PRDM14: variants seen among roughly 807,000 people sequenced by gnomAD.
PRDM14 encodes the protein PR domain zinc finger protein 14.
In PRDM14, 16 loss-of-function variants were observed where a neutral mutation model predicts 48.0. That is an observed-to-expected ratio of 0.33 (90% CI 0.23 to 0.51). PRDM14 has a LOEUF of 0.51. Ranked by LOEUF, PRDM14 falls within the 20% of genes least tolerant of loss-of-function variation. PRDM14 has a pLI of 0.97. For synonymous variants in PRDM14, 264 were observed against 276.6 expected (o/e 0.95, Z 0.45); for missense variants, 566 against 719.6 (o/e 0.79, Z 2.44).
At chr8:70,054,544 G>C (rs1266176532) in intron 7 of PRDM14, among the ~76,000 whole-genome samples, 1 of 148,038 alleles carries the variant, frequency 6.8e-6, no homozygotes, top group African/African-American at 2.5e-5. Context: ...TTTGGAGACG[G>C]AGTTTCACTT....
intron 5 of PRDM14, among the ~76,000 whole-genome samples, chr8:70,063,929 A>C (rs1487369134): frequency 6.6e-6 from 1 of 152,092 alleles, no homozygotes; most frequent in Non-Finnish European, 1.5e-5. Context: ...ATCATAGAGA[A>C]TCCCAACCAT....
intron 5 of PRDM14, among the ~76,000 whole-genome samples, chr8:70,065,049 G>A (rs143464391): frequency 0.042 from 6,398 of 151,778 alleles, 472 homozygotes; most frequent in African/African-American, 0.15. Flanking sequence ...ACTACGCCCC[G>A]CTAATTTTTT....
rs1363298098 is a variant in PRDM14 at position 70,069,683 on chromosome 8, C to A, written c.178G>T (p.Ala60Ser). Residue 60 changes from alanine (A) to serine (S), a missense_variant, in exon 2 of 8, where the codon GCG becomes TCG. Ala to Ser is a moderately conservative substitution (Grantham distance 99). This residue lies in a region of PRDM14 where 410 missense variants were observed against 424.6 expected (regional missense o/e 0.97). Coordinates refer to ENST00000276594, the MANE Select transcript of PRDM14 (RefSeq NM_024504.4). ...GGGGGCATGGCGGGGGCAGCAGACG[C>A]TGCGGCCTCCAGCTGCCGGAAAGGT... ...FQPFRQLEAA[A>S]SAAPAMPPFP... is the part of the protein sequence containing the mutation. 3 of 1,552,320 alleles carry A rather than the reference C, an allele frequency of 1.9e-6. No individual in the cohort carries two copies.
chr8:70,058,802 T>C lies in PRDM14; in HGVS notation c.1224A>G (p.Val408=). 2 of 1,614,122 alleles carry C rather than the reference T, an allele frequency of 1.2e-6. No individual in the cohort carries two copies. The highest frequency in any genetic ancestry group is 1.1e-5 in the South Asian group (1 of 91,086). Residue 408 remains valine (V), a synonymous_variant, in exon 6 of 8, where the codon GTA becomes GTG. Transcript: ENST00000276594. The part of the protein sequence containing the change: ...EGYRCERCGK[V]FTYKYYRDKH... Reference sequence around the variant, plus strand: ...TATCTCTGTAATATTTGTAGGTAAATACCTTCCCACATCTTTCACATCTGT... The same window carrying C: ...TATCTCTGTAATATTTGTAGGTAAACACCTTCCCACATCTTTCACATCTGT...
chr8:70,070,157 C>T (rs1023134923), intron 1 of PRDM14, among the ~76,000 whole-genome samples: 6 of 152,338 alleles, frequency 3.9e-5, no homozygotes, highest in African/African-American at 1.4e-4. Flanking sequence ...CTTCCCTCTC[C>T]AAGCACCCCT....
intron 4 of PRDM14, among the ~76,000 whole-genome samples, chr8:70,066,804 T>C (rs2131042216): frequency 6.6e-6 from 1 of 152,242 alleles, no homozygotes; most frequent in East Asian, 1.9e-4. Flanking sequence ...CAGGTCACAG[T>C]AGCCTCGAAT....
At chr8:70,062,597 G>A (rs182923838) in intron 5 of PRDM14, among the ~76,000 whole-genome samples, 92 of 151,928 alleles carry the variant, frequency 6.1e-4, no homozygotes, top group African/African-American at 2.1e-3. Context: ...CTGAGTAGCT[G>A]AGATTACAGG....
Position 70,051,825 on chromosome 8 carries a change from G to C in PRDM14, c.*252C>G, listed in dbSNP as rs1460235422. 7.5e-6 allele frequency: 3 copies of C among 400,108 alleles called. No homozygotes were observed. Among genetic ancestry groups the C allele is most frequent in the Non-Finnish European group, 9.1e-6 (2 of 219,970 alleles). 24.8% of individuals were successfully genotyped at this position (400,108 alleles called of 1,614,324 possible). A position where few individuals can be genotyped will look rare whatever the true frequency, so the allele number is the denominator to read the frequency against. ...CTGGTTCTGTCACCCAGGTTGAAAA[G>C]CAGTGGGGCGATCTCAGCTCACAGC... On this transcript the variant is annotated 3_prime_UTR_variant, in exon 8 of 8. Coordinates refer to ENST00000276594, the MANE Select transcript of PRDM14 (RefSeq NM_024504.4).
At position 70,069,701 on chromosome 8, in the gene PRDM14, G is replaced by A. The variant is rs1326344609; in HGVS notation, c.160C>T (p.Arg54Trp). The A allele has an allele frequency of 6.4e-7, 1 of 1,562,768 alleles. No individual in the cohort carries two copies. ...GCAGACGCTGCGGCCTCCAGCTGCC[G>A]GAAAGGTTGGAAGTCTTCCTCCACG... Reference protein sequence around the residue: ...ATVEEDFQPFRQLEAAASAAP... With the variant: ...ATVEEDFQPFWQLEAAASAAP... Residue 54 changes from arginine to tryptophan, a missense_variant, in exon 2 of 8, where the codon CGG becomes TGG. By Grantham distance (101) the Arg-to-Trp change is moderately radical. Around this residue, in one of 3 missense-constraint regions of PRDM14, gnomAD observed 410 missense variants for 424.6 expected, o/e 0.97. Coordinates refer to ENST00000276594, the MANE Select transcript of PRDM14 (RefSeq NM_024504.4).
At position 70,066,438 on chromosome 8, in the gene PRDM14, T is replaced by C. The variant is rs1805668193; in HGVS notation, c.980A>G (p.Tyr327Cys). 1 of 1,614,038 alleles carries C rather than the reference T, an allele frequency of 6.2e-7. No homozygotes were observed. The highest frequency in any genetic ancestry group is 1.3e-5 in the African/African-American group (1 of 74,922). Reference sequence around the variant, plus strand: ...CTTGGGGAAGCGGGCACAGTTGACATAGGACATCCAGTTCCCCGTACCTCC... The same window carrying C: ...CTTGGGGAAGCGGGCACAGTTGACACAGGACATCCAGTTCCCCGTACCTCC... ...GKGGTGNWMS[Y>C]VNCARFPKEQ... is the part of the protein sequence containing the mutation. Residue 327 changes from tyrosine to cysteine, a missense_variant, in exon 5 of 8, where the codon TAT becomes TGT. By Grantham distance (194) the Tyr-to-Cys change is radical. Coordinates refer to ENST00000276594, the MANE Select transcript of PRDM14 (RefSeq NM_024504.4).
chr8:70,062,915 G>C (rs894696017), intron 5 of PRDM14, among the ~76,000 whole-genome samples: 1 of 152,176 alleles, frequency 6.6e-6, no homozygotes, highest in Non-Finnish European at 1.5e-5. Context: ...GGGATTTCTT[G>C]ATTGGAGCTG....
Position 70,060,327 on chromosome 8 carries a change from T to G in PRDM14, c.1184-1485A>C, listed in dbSNP as rs1335790746. On this transcript the variant is annotated intron_variant, in intron 5 of 7. Coordinates refer to ENST00000276594, the MANE Select transcript of PRDM14 (RefSeq NM_024504.4). ...GAGGATCACCTGAGCCTGGGGAAGT[T>G]AGTTGAGGCTGCAATGAGCAGTGAT... Among the ~76,000 whole-genome samples, 3 of 146,970 alleles carry G rather than the reference T, an allele frequency of 2.0e-5. No homozygotes were observed. In the South Asian group the frequency reaches 6.5e-4, roughly 32 times the overall value.
chr8:70,058,500 T>G, intron 6 of PRDM14, 140 bp downstream of exon 6: 3 of 692,504 alleles, frequency 4.3e-6, no homozygotes, highest in Non-Finnish European at 7.6e-6. Flanking sequence ...TCCGTAATAC[T>G]ATCCTCTCCT....
At chr8:70,054,243 T>C (rs1178408993) in intron 7 of PRDM14, among the ~76,000 whole-genome samples, 1 of 152,216 alleles carries the variant, frequency 6.6e-6, no homozygotes, top group Non-Finnish European at 1.5e-5. Flanking sequence ...CTATAGAAAA[T>C]TACATCAGTA....
chr8:70,059,306 C>G (rs978684450), intron 5 of PRDM14, among the ~76,000 whole-genome samples: 5 of 148,538 alleles, frequency 3.4e-5, no homozygotes, highest in African/African-American at 5.0e-5. Flanking sequence ...GAGTCTTGCT[C>G]TGTCACCCAG....
chr8:70,064,771 C>T (rs534763399), intron 5 of PRDM14, among the ~76,000 whole-genome samples: 4 of 151,960 alleles, frequency 2.6e-5, no homozygotes, highest in Non-Finnish European at 5.9e-5. Flanking sequence ...GTGATCCGCC[C>T]GCCTCACCTC....
intron 5 of PRDM14, among the ~76,000 whole-genome samples, chr8:70,065,415 A>G (rs1474749223): frequency 1.3e-5 from 2 of 152,110 alleles, no homozygotes; most frequent in Non-Finnish European, 2.9e-5. Context: ...TTTAACATGC[A>G]AATTCCAAAG....
intron 5 of PRDM14, among the ~76,000 whole-genome samples, chr8:70,061,088 A>T (rs923425967): frequency 1.3e-5 from 2 of 152,160 alleles, no homozygotes; most frequent in African/African-American, 4.8e-5. Context: ...ATCTGTTTTT[A>T]TCAATGGAGG....
chr8:70,065,544 C>T lies in PRDM14; in HGVS notation c.1183+691G>A, dbSNP rs74767455. On this transcript the variant is annotated intron_variant, in intron 5 of 7. Transcript: ENST00000276594. ...AAAAATACCAAATCCTGGGCCCCTA[C>T]CCTGAATGAGAACCAGCATCATGAA... Among the ~76,000 whole-genome samples, 809 of 152,156 alleles carry T rather than the reference C, an allele frequency of 5.3e-3. 4 individuals are homozygous for T. The highest frequency in any genetic ancestry group is 0.019 in the African/African-American group (775 of 41,490).
Sources: gnomAD v4.1 joint callset for allele counts (sites outside exome capture counted in the v4.1 genomes callset) on GRCh38, gnomAD v4.1.1 for gene constraint, gnomAD v4.1.1 regional missense constraint, MANE v1.5 for transcripts, NCBI Gene and HGNC (gene_info 2026-07-23, HGNC 2026-07-21) for gene names.